Variants in C6orf163 observed in about 807,000 individuals in gnomAD.
C6orf163 encodes the protein chromosome 6 open reading frame 163.
Under a neutral mutation model 28.4 loss-of-function variants are expected in C6orf163, and 22 were observed. That is an observed-to-expected ratio of 0.78 (90% CI 0.55 to 1.11). The LOEUF (loss-of-function observed/expected upper bound fraction) is 1.11, where lower values mean the gene tolerates loss of function less well. Among genes scored for constraint, C6orf163 ranks in the 50% least tolerant of loss-of-function variants. The pLI, the probability that C6orf163 is intolerant of heterozygous loss-of-function variation, is 0.00. For missense variants in C6orf163, 342 were observed against 389.1 expected (o/e 0.88, Z 1.02); for synonymous variants, 110 against 123.6 (o/e 0.89, Z 0.73).
rs1365033448 is a variant in C6orf163 at position 87,345,262 on chromosome 6, C to A, written c.148+15C>A. ...AGACATACTAGGTAAGTGACTTTAT[C>A]GTTTTCCTTTGTTCTAATGCTTCAT... On this transcript the variant is annotated intron_variant, in intron 1 of 4. Coordinates refer to ENST00000388923, the MANE Select transcript of C6orf163 (RefSeq NM_001010868.3). The A allele has an allele frequency of 6.6e-7, 1 of 1,509,140 alleles. No homozygotes were observed. Among genetic ancestry groups the A allele is most frequent in the East Asian group, 2.5e-5 (1 of 40,534 alleles). 93.5% of individuals were successfully genotyped at this position (1,509,140 alleles called of 1,614,324 possible). A position where few individuals can be genotyped will look rare whatever the true frequency, so the allele number is the denominator to read the frequency against.
intron 4 of C6orf163, among the ~76,000 whole-genome samples, chr6:87,360,136 G>A (rs963767475): frequency 7.9e-5 from 12 of 152,278 alleles, no homozygotes; most frequent in African/African-American, 1.9e-4. Context: ...TCCTCTGTGC[G>A]TGGTGATCCT....
intron 4 of C6orf163, chr6:87,356,944 A>G (rs1169136844): frequency 6.4e-6 from 1 of 155,440 alleles, no homozygotes; most frequent in East Asian, 1.9e-4. Flanking sequence ...ATCATACACT[A>G]TTGTGTTTGT....
chr6:87,356,480 G>A lies in C6orf163; in HGVS notation c.531G>A (p.Gln177=). 6.4e-7 allele frequency: 1 copy of A among 1,551,618 alleles called. No individual in the cohort carries two copies. The highest frequency in any genetic ancestry group is 8.7e-7 in the Non-Finnish European group (1 of 1,146,956). The change falls in exon 4 of 5, where the codon CAG becomes CAA. Residue 177 remains glutamine (Q), a synonymous_variant. Transcript: ENST00000388923. ...KARAEERHIA[Q]EAIQAQKSKA... is the part of the protein sequence containing the mutation. The stretch of plus-strand genomic sequence containing the variant: ...GGGCTGAAGAAAGACACATCGCCCA[G>A]GAAGCAATCCAGGCCCAGAAAAGGT...
Position 87,348,805 on chromosome 6 carries a change from TA to T in C6orf163, c.149-6del. On this transcript the variant is annotated splice_region_variant and splice_polypyrimidine_tract_variant and intron_variant, in intron 1 of 4. Transcript: ENST00000388923. Reference sequence around the variant, plus strand: ...AGGTTTGTGACCATTGCTCTTCAAATACACAGATATTGGGGCAAATATTCTG... The same window carrying T: ...AGGTTTGTGACCATTGCTCTTCAAATCACAGATATTGGGGCAAATATTCTG... 2.0e-6 allele frequency: 3 copies of T among 1,537,036 alleles called. No homozygotes were observed. Among genetic ancestry groups the T allele is most frequent in the Non-Finnish European group, 2.6e-6 (3 of 1,146,780 alleles).
At position 87,363,292 on chromosome 6, in the gene C6orf163, T is replaced by C. The variant is rs1463150265; in HGVS notation, c.555-1669T>C. Among the ~76,000 whole-genome samples, 8 of 151,804 alleles carry C rather than the reference T, an allele frequency of 5.3e-5. No homozygotes were observed. In the South Asian group the frequency reaches 1.2e-3, roughly 24 times the overall value. On this transcript the variant is annotated intron_variant, in intron 4 of 4. Coordinates refer to ENST00000388923, the MANE Select transcript of C6orf163 (RefSeq NM_001010868.3). Reference sequence around the variant, plus strand: ...ACCCTTCAAGGTCCCTGAGACTCTTTAAAGAGGCAGTCCATGACATTAAAA... The same window carrying C: ...ACCCTTCAAGGTCCCTGAGACTCTTCAAAGAGGCAGTCCATGACATTAAAA...
intron 1 of C6orf163, chr6:87,348,476 C>G: frequency 9.5e-7 from 1 of 1,055,148 alleles, no homozygotes; most frequent in Non-Finnish European, 1.1e-6. Flanking sequence ...GTATAATGTG[C>G]TAAGACCTCT....
intron 4 of C6orf163, chr6:87,358,054 A>T (rs1395546722): frequency 1.3e-5 from 2 of 152,202 alleles, no homozygotes; most frequent in African/African-American, 2.4e-5. Flanking sequence ...TCTTCAGCAC[A>T]CCAGATCTTA....
intron 4 of C6orf163, among the ~76,000 whole-genome samples, chr6:87,361,015 G>A (rs1299576479): frequency 6.6e-6 from 1 of 152,136 alleles, no homozygotes; most frequent in Non-Finnish European, 1.5e-5. Context: ...TGGGAAAAGT[G>A]GGGCTAGGCG....
chr6:87,350,453 C>G lies in C6orf163; in HGVS notation c.303C>G (p.His101Gln). ...CACTTGAAGAAGCAAATGACAGACA[C>G]AAAATTGAAATTCAGATTTTGAAAG... is the stretch of plus-strand genomic sequence containing the variant. ...EKALEEANDR[H>Q]KIEIQILKEE... Residue 101 changes from histidine (H) to glutamine (Q), a missense_variant, in exon 3 of 5, where the codon CAC becomes CAG. Physicochemically the swap from His to Gln is conservative, Grantham distance 24 (BLOSUM62 0). Coordinates refer to ENST00000388923, the MANE Select transcript of C6orf163 (RefSeq NM_001010868.3). 1 of 1,535,846 alleles carries G rather than the reference C, an allele frequency of 6.5e-7. No individual in the cohort carries two copies. The highest frequency in any genetic ancestry group is 8.7e-7 in the Non-Finnish European group (1 of 1,146,168).
At chr6:87,348,373 T>TG (rs1777359448) in intron 1 of C6orf163, 1 of 987,550 alleles carries the variant, frequency 1.0e-6, no homozygotes, top group African/African-American at 1.7e-5. Context: ...AAGAACCACA[T>TG]GCTAAAGAAA....
chr6:87,348,782 G>T (rs1358018651), intron 1 of C6orf163, 30 bp from the exon 2 acceptor site: 1 of 1,535,732 alleles, frequency 6.5e-7, no homozygotes. Context: ...GTCGGTGGAG[G>T]TTTGTGACCA....
At chr6:87,349,431 G>A (rs947204065) in intron 2 of C6orf163, among the ~76,000 whole-genome samples, 6 of 151,796 alleles carry the variant, frequency 4.0e-5, no homozygotes, top group African/African-American at 1.5e-4. Flanking sequence ...TTGATACCTC[G>A]TCGATATGAC....
intron 4 of C6orf163, chr6:87,359,287 G>C (rs903719257): frequency 6.6e-6 from 1 of 152,278 alleles, no homozygotes; most frequent in East Asian, 1.9e-4. Context: ...AAACGAATGA[G>C]AACCGAATGC....
At chr6:87,348,511 T>C in intron 1 of C6orf163, 2 of 1,114,898 alleles carry the variant, frequency 1.8e-6, no homozygotes, top group Non-Finnish European at 2.2e-6. Context: ...TCATTCTACT[T>C]TGGGTGTACA....
chr6:87,350,231 A>G lies in C6orf163; in HGVS notation c.244-163A>G, dbSNP rs889189015. ...CTCTGGCTAAGGCAGACAGTTTGCT[A>G]TGGGAGGTTTGAGATGGGAATGGGG... On this transcript the variant is annotated intron_variant, in intron 2 of 4. Coordinates refer to ENST00000388923, the MANE Select transcript of C6orf163 (RefSeq NM_001010868.3). 2.2e-4 allele frequency among the ~76,000 whole-genome samples: 34 copies of G among 152,198 alleles called. 1 individual carries two copies.
At chr6:87,346,023 G>C (rs1447548634) in intron 1 of C6orf163, among the ~76,000 whole-genome samples, 1 of 143,600 alleles carries the variant, frequency 7.0e-6, no homozygotes, top group Non-Finnish European at 1.5e-5. Context: ...GATACATATA[G>C]ATAACATGAG....
intron 4 of C6orf163, chr6:87,358,985 G>A (rs1777545397): frequency 6.6e-6 from 1 of 152,206 alleles, no homozygotes; most frequent in South Asian, 2.1e-4. Flanking sequence ...AGCTATGTGA[G>A]TTTTCTAGAG....
At chr6:87,346,096 A>G (rs1178535533) in intron 1 of C6orf163, among the ~76,000 whole-genome samples, 1 of 152,102 alleles carries the variant, frequency 6.6e-6, no homozygotes, top group Non-Finnish European at 1.5e-5. Context: ...ATAGGTTTCC[A>G]TCTCTCTTTT....
At chr6:87,362,630 G>C (rs76188129) in intron 4 of C6orf163, among the ~76,000 whole-genome samples, 3,127 of 152,278 alleles carry the variant, frequency 0.021, 111 homozygotes, top group East Asian at 0.17. Context: ...TAGTTGGTGG[G>C]AAAAGGAAGA....
Sources: gnomAD v4.1 joint callset for allele counts (sites outside exome capture counted in the v4.1 genomes callset) on GRCh38, gnomAD v4.1.1 for gene constraint, MANE v1.5 for transcripts, NCBI Gene and HGNC (gene_info 2026-07-23, HGNC 2026-07-21) for gene names.